MGST1: variants seen among roughly 807,000 people sequenced by gnomAD.
MGST1 encodes the protein glutathione S-transferase 12.
A neutral mutation model predicts 8.9 loss-of-function variants in MGST1; 5 were observed. That is an observed-to-expected ratio of 0.56 (90% CI 0.29 to 1.19). The LOEUF is 1.19. Among genes scored for constraint, MGST1 ranks in the 50% most tolerant of loss-of-function variants. The probability of loss-of-function intolerance (pLI) is 0.08; values close to 1 mark genes in which losing one functional copy is unlikely to be tolerated. For synonymous variants in MGST1, 54 were observed against 67.8 expected (o/e 0.80, Z 1.00); for missense variants, 182 against 187.4 (o/e 0.97, Z 0.17).
At chr12:16,495,401 A>G (rs1050471865) in intron 4 of MGST1, among the ~76,000 whole-genome samples, 1 of 152,070 alleles carries the variant, frequency 6.6e-6, no homozygotes, top group Admixed American at 6.6e-5. Flanking sequence ...CCTACTCCAA[A>G]CATCAGTATT....
chr12:16,439,187 G>A (rs1941016899), downstream of MGST1, among the ~76,000 whole-genome samples: 1 of 151,238 alleles, frequency 6.6e-6, no homozygotes, highest in Non-Finnish European at 1.5e-5. Flanking sequence ...CAAAACCAGA[G>A]GACTATTTTA....
In MGST1 at chr12:16,401,780, G is replaced by A; in HGVS notation, n.778+18176G>A. The A allele has an allele frequency of 1.2e-6, 2 of 1,601,030 alleles. No individual in the cohort carries two copies. Among genetic ancestry groups the A allele is most frequent in the Middle Eastern group, 1.7e-4 (1 of 6,026 alleles). On this transcript the variant is annotated intron_variant and non_coding_transcript_variant, in intron 1 of 1. Coordinates refer to the MGST1 transcript ENST00000359720. The surrounding 1 kb of genome is among the most constrained non-coding windows in gnomAD (Gnocchi z 4.3). ...TTTCCACAGACTCAGCCAGTTTGCT[G>A]TGTCAAACTTTCTCATCTGCATCAA...
chr12:16,539,618 C>T (rs2137210677), intron 4 of MGST1, among the ~76,000 whole-genome samples: 1 of 152,248 alleles, frequency 6.6e-6, no homozygotes, highest in South Asian at 2.1e-4. Flanking sequence ...AGCTGGTCCC[C>T]ACCGTATAAT....
chr12:16,463,806 G>A (rs7979086), intron 4 of MGST1, among the ~76,000 whole-genome samples: 145,534 of 152,292 alleles, frequency 0.96, 69,907 homozygotes, highest in Middle Eastern at 1. Context: ...TGTTGTCTAA[G>A]TACAGCTCAT....
chr12:16,397,886 A>G (rs1940620098), intron 1 of MGST1, among the ~76,000 whole-genome samples: 1 of 150,400 alleles, frequency 6.6e-6, no homozygotes, highest in South Asian at 2.1e-4. Context: ...TAAACTAAAT[A>G]TGTATATATT....
chr12:16,488,710 TA>T (rs1253053093), intron 4 of MGST1, among the ~76,000 whole-genome samples: 1 of 152,114 alleles, frequency 6.6e-6, no homozygotes, highest in Non-Finnish European at 1.5e-5. Context: ...CAAAATAAAA[TA>T]AAATTACATG....
chr12:16,473,111 A>G (rs190433581), intron 4 of MGST1, among the ~76,000 whole-genome samples: 1 of 152,332 alleles, frequency 6.6e-6, no homozygotes, highest in East Asian at 1.9e-4. Flanking sequence ...TGTTGGCCAG[A>G]ATCTTCACTT....
intron 1 of MGST1, among the ~76,000 whole-genome samples, chr12:16,391,184 G>T (rs1279542140): frequency 6.8e-6 from 1 of 146,298 alleles, no homozygotes; most frequent in African/African-American, 2.5e-5. Flanking sequence ...GGATACATGT[G>T]CAGAACGAGC....
intron 2 of MGST1, among the ~76,000 whole-genome samples, chr12:16,355,163 T>C (rs1939656084): frequency 1.3e-5 from 2 of 152,090 alleles, no homozygotes; most frequent in African/African-American, 4.8e-5. Flanking sequence ...GCCTTGATTT[T>C]ATCTATAGGT....
rs1008104607 is a variant in MGST1 at position 16,372,935 on chromosome 12, T to A, written c.222-3187T>A. 9.1e-5 allele frequency among the ~76,000 whole-genome samples: 13 copies of A among 142,644 alleles called. No individual in the cohort carries two copies. In the East Asian group the frequency reaches 2.5e-3, roughly 27 times the overall value. The allele number at this position is 142,644 out of a possible 152,430, so 93.6% of individuals were successfully genotyped here. On this transcript the variant is annotated intron_variant, in intron 3 of 3. Coordinates refer to the MGST1 transcript ENST00000535309. ...TATTTTATATATTTTATATTGTATA[T>A]TTTATATTATATATTACATATTACA...
At chr12:16,550,323 AT>A (rs1421198733) in intron 4 of MGST1, 4 of 152,530 alleles carry the variant, frequency 2.6e-5, no homozygotes, top group Middle Eastern at 3.4e-3. Flanking sequence ...TCATCTCATA[AT>A]TGTGGTAACA....
intron 4 of MGST1, among the ~76,000 whole-genome samples, chr12:16,557,386 A>T (rs1375295168): frequency 5.5e-5 from 6 of 108,690 alleles, no homozygotes; most frequent in South Asian, 5.7e-4. Flanking sequence ...TTTTTTTTTT[A>T]AACGTAATTC....
At chr12:16,485,755 G>A (rs1241807444) in intron 4 of MGST1, among the ~76,000 whole-genome samples, 1 of 152,116 alleles carries the variant, frequency 6.6e-6, no homozygotes, top group Non-Finnish European at 1.5e-5. Context: ...ATGGAACAAA[G>A]CTACATGTTT....
intron 1 of MGST1, chr12:16,402,470 G>C: frequency 6.4e-7 from 1 of 1,556,584 alleles, no homozygotes; most frequent in Non-Finnish European, 8.8e-7. Context: ...GCGATGTCCC[G>C]GCTCTGCCAC....
chr12:16,373,406 T>C (rs952999311), intron 3 of MGST1, among the ~76,000 whole-genome samples: 2 of 152,012 alleles, frequency 1.3e-5, no homozygotes, highest in African/African-American at 2.4e-5. Context: ...AAGAATGCAA[T>C]TGGAGTGTTC....
chr12:16,472,062 G>T (rs1159116632), intron 4 of MGST1, among the ~76,000 whole-genome samples: 16 of 152,178 alleles, frequency 1.1e-4, no homozygotes, highest in Non-Finnish European at 2.9e-5. Context: ...TCCTCTGCTA[G>T]TTCCTTCCTT....
intron 4 of MGST1, among the ~76,000 whole-genome samples, chr12:16,579,700 G>A (rs1943099878): frequency 6.6e-6 from 1 of 152,156 alleles, no homozygotes; most frequent in Admixed American, 6.5e-5. Context: ...TAGGCACTCA[G>A]TAAGAATTCA....
At chr12:16,370,706 G>A (rs1198863799) in intron 3 of MGST1, among the ~76,000 whole-genome samples, 1 of 152,064 alleles carries the variant, frequency 6.6e-6, no homozygotes, top group Non-Finnish European at 1.5e-5. Context: ...AGAAACCCAG[G>A]CAAGTCACCT....
At chr12:16,541,866 C>T (rs11832997) in intron 4 of MGST1, among the ~76,000 whole-genome samples, 73,326 of 151,876 alleles carry the variant, frequency 0.48, 18,534 homozygotes, top group African/African-American at 0.63. Context: ...GTATATCAGG[C>T]AGGGGTTGCT....
Sources: allele counts gnomAD v4.1 joint callset (sites outside exome capture counted in the v4.1 genomes callset), GRCh38; gene constraint gnomAD v4.1.1; non-coding constraint Gnocchi (gnomAD v3.1); transcripts MANE v1.5; gene names NCBI Gene and HGNC (gene_info 2026-07-23, HGNC 2026-07-21).